The following NACC1 variants were observed in gnomAD, a reference collection of about 807,000 sequenced individuals.
NACC1 encodes the protein nucleus accumbens-associated protein 1.
NACC1 carries 6 observed loss-of-function variants against 41.7 expected under a neutral mutation model. That is an observed-to-expected ratio of 0.14 (90% CI 0.08 to 0.28). NACC1 has a LOEUF of 0.28. Among genes scored for constraint, NACC1 ranks in the 10% least tolerant of loss-of-function variants. The probability of loss-of-function intolerance (pLI) is 1.00; values close to 1 mark genes in which losing one functional copy is unlikely to be tolerated. For synonymous variants in NACC1, 338 were observed against 330.6 expected, an observed-to-expected ratio of 1.02 and a Z score of -0.24; for missense variants, 434 against 763.7, an observed-to-expected ratio of 0.57 and a Z score of 5.09.
In NACC1 at chr19:13,138,138, G is replaced by GC; in HGVS notation, c.1325-5dup. 1.2e-6 allele frequency: 2 copies of GC among 1,611,954 alleles called. No homozygotes were observed. The highest frequency in any genetic ancestry group is 2.2e-5 in the South Asian group (2 of 91,038). On this transcript the variant is annotated splice_polypyrimidine_tract_variant and intron_variant, in intron 5 of 5. Coordinates refer to ENST00000292431, the MANE Select transcript of NACC1 (RefSeq NM_052876.4). The surrounding 1 kb of genome is among the most constrained non-coding windows in gnomAD (Gnocchi z 5.7). ...CCCGTGCCAAGGCCGCACCCACCCT[G>GC]CCCCACAGACTACTGCCAGAACTTC...
In NACC1 at chr19:13,137,066, C is replaced by A. The variant is rs1568386279; in HGVS notation, c.1121-205C>A. ...AACCCTTTCTGTCCTTTCCTGAGCA[C>A]TGATGAGGTTGGGGGAGCCCCAAGG... On this transcript the variant is annotated intron_variant, in intron 3 of 5. Transcript: ENST00000292431. This position sits in a 1 kb window ranked among gnomAD's most constrained non-coding sequence, Gnocchi z 6.1. Among the ~76,000 whole-genome samples the A allele has an allele frequency of 6.6e-6, 1 of 152,192 alleles. No individual in the cohort carries two copies. The highest frequency in any genetic ancestry group is 6.5e-5 in the Admixed American group (1 of 15,288).
chr19:13,138,395 G>A lies in NACC1; in HGVS notation c.1573G>A (p.Ala525Thr), dbSNP rs2019736997. The A allele has an allele frequency of 6.2e-7, 1 of 1,610,942 alleles. No homozygotes were observed. ...HEGEAGPSAE[A>T]LQ Reference sequence around the variant, plus strand: ...GGGCGAGGCGGGTCCCTCGGCTGAAGCCCTGCAGTAACCCGCCCAGCCTCC... The same window carrying A: ...GGGCGAGGCGGGTCCCTCGGCTGAAACCCTGCAGTAACCCGCCCAGCCTCC... Residue 525 changes from alanine to threonine, a missense_variant, in exon 6 of 6, where the codon GCC (alanine) becomes ACC (threonine). Physicochemically the swap from Ala to Thr is moderately conservative, Grantham distance 58. Around this residue, in one of 4 missense-constraint regions of NACC1, gnomAD observed 63 missense variants for 68.4 expected, o/e 0.92. Transcript: ENST00000292431. This position sits in a 1 kb window ranked among gnomAD's most constrained non-coding sequence, Gnocchi z 5.7.
At position 13,118,357 on chromosome 19, in the gene NACC1, G is replaced by A. The variant is rs1218242130; in HGVS notation, c.-106G>A. The A allele has an allele frequency of 1.4e-5, 2 of 146,686 alleles. No individual in the cohort carries two copies. Among genetic ancestry groups the A allele is most frequent in the Non-Finnish European group, 3.0e-5 (2 of 65,952 alleles). The allele number at this position is 146,686 out of a possible 1,614,324, so 9.1% of individuals were successfully genotyped here. A position where few individuals can be genotyped will look rare whatever the true frequency, so the allele number is the denominator to read the frequency against. On this transcript the variant is annotated 5_prime_UTR_variant, in exon 1 of 6. Transcript: ENST00000292431. ...CGCGGAGGCCGCGGAGGCGGAGGCC[G>A]AGGCCCCGGCGCAGCGGGGCGCGCC...
chr19:13,139,884 A>ACATCCT lies in NACC1; in HGVS notation c.*1479_*1484dup, dbSNP rs1294777273. The ACATCCT allele has an allele frequency of 2.0e-5, 3 of 151,852 alleles. No individual in the cohort carries two copies. Among genetic ancestry groups the ACATCCT allele is most frequent in the African/African-American group, 7.3e-5 (3 of 41,194 alleles). 9.4% of individuals were successfully genotyped at this position (151,852 alleles called of 1,614,324 possible). The stretch of plus-strand genomic sequence containing the variant: ...GGGTGTCATTTCACCATCCACATCC[A>ACATCCT]CATCCTTGTTTGTGTTTCTGGCCCT... On this transcript the variant is annotated 3_prime_UTR_variant, in exon 6 of 6. Coordinates refer to ENST00000292431, the MANE Select transcript of NACC1 (RefSeq NM_052876.4).
At chr19:13,127,177 G>C (rs1422218725) in intron 1 of NACC1, among the ~76,000 whole-genome samples, 1 of 151,512 alleles carries the variant, frequency 6.6e-6, no homozygotes, top group Non-Finnish European at 1.5e-5. Context: ...CAAGCAGGGA[G>C]AATCAAGCCA....
At chr19:13,127,091 T>C (rs1422406119) in intron 1 of NACC1, among the ~76,000 whole-genome samples, 2 of 151,392 alleles carry the variant, frequency 1.3e-5, no homozygotes, top group African/African-American at 4.9e-5. Context: ...AATGCACAAA[T>C]AAATAATTTT....
rs1312476383 is a variant in NACC1 at position 13,137,756 on chromosome 19, A to C, written c.1324+181A>C. ...AGATTTCTTCGTGTTTGGGGGATGC[A>C]CGTGCCGAAGGGAAGCCAGGGAGCC... is the stretch of plus-strand genomic sequence containing the variant. On this transcript the variant is annotated intron_variant, in intron 5 of 5. Transcript: ENST00000292431. This position sits in a 1 kb window ranked among gnomAD's most constrained non-coding sequence, Gnocchi z 6.1. Among the ~76,000 whole-genome samples, 1 of 152,142 alleles carries C rather than the reference A, an allele frequency of 6.6e-6. No individual in the cohort carries two copies. The highest frequency in any genetic ancestry group is 1.5e-5 in the Non-Finnish European group (1 of 68,024).
At position 13,135,145 on chromosome 19, in the gene NACC1, G is replaced by A. The variant is rs145759623; in HGVS notation, c.-8-55G>A. 4,278 of 1,473,852 alleles carry A rather than the reference G, an allele frequency of 2.9e-3. 3 individuals carry two copies. Among genetic ancestry groups the A allele is most frequent in the Non-Finnish European group, 3.5e-3 (3,906 of 1,112,234 alleles). The allele number at this position is 1,473,852 out of a possible 1,614,324, so 91.3% of individuals were successfully genotyped here. A position where few individuals can be genotyped will look rare whatever the true frequency, so the allele number is the denominator to read the frequency against. ...GGCTAGGCCAGCACCCACATTTGCCGCCTGACCCCGTCCCTCCGTCTCTGT... is the reference window on the plus strand; with the variant it reads ...GGCTAGGCCAGCACCCACATTTGCCACCTGACCCCGTCCCTCCGTCTCTGT... On this transcript the variant is annotated intron_variant, in intron 1 of 5. Transcript: ENST00000292431.
chr19:13,137,461 A>G lies in NACC1; in HGVS notation c.1227-17A>G, dbSNP rs372461691. 16 of 1,608,812 alleles carry G rather than the reference A, an allele frequency of 9.9e-6. No homozygotes were observed. The African/African-American group carries it at 1.9e-4, about 19-fold the overall frequency. On this transcript the variant is annotated splice_polypyrimidine_tract_variant and intron_variant, in intron 4 of 5. Coordinates refer to ENST00000292431, the MANE Select transcript of NACC1 (RefSeq NM_052876.4). The surrounding 1 kb of genome is among the most constrained non-coding windows in gnomAD (Gnocchi z 6.1). ...ACCAACTTGAGCGCTGACTCCCTCC[A>G]TGTCCCCTGCCCCCAGGAACACGCT...
At chr19:13,130,971 C>T (rs533712638) in intron 1 of NACC1, among the ~76,000 whole-genome samples, 6 of 152,306 alleles carry the variant, frequency 3.9e-5, no homozygotes, top group African/African-American at 1.4e-4. Flanking sequence ...CCTTCAGCTA[C>T]ACCAGCTTTC....
intron 1 of NACC1, among the ~76,000 whole-genome samples, chr19:13,118,723 C>A (rs1368095039): frequency 3.4e-5 from 5 of 147,936 alleles, no homozygotes; most frequent in African/African-American, 1.3e-4. Flanking sequence ...CGGGCCGGGG[C>A]AGGTACCGGG....
At chr19:13,126,650 C>G (rs992161922) in intron 1 of NACC1, among the ~76,000 whole-genome samples, 1 of 152,108 alleles carries the variant, frequency 6.6e-6, no homozygotes, top group African/African-American at 2.4e-5. Context: ...ACACTGCGGT[C>G]TCAATAGGCC....
At chr19:13,120,614 G>C (rs2019477725) in intron 1 of NACC1, among the ~76,000 whole-genome samples, 1 of 152,238 alleles carries the variant, frequency 6.6e-6, no homozygotes, top group Admixed American at 6.5e-5. Context: ...TGGGCCAGCA[G>C]TCCCGCAAAG....
intron 1 of NACC1, among the ~76,000 whole-genome samples, chr19:13,121,046 T>C (rs895971359): frequency 1.3e-5 from 2 of 152,118 alleles, no homozygotes; most frequent in African/African-American, 4.8e-5. Flanking sequence ...AAGCAAAGGA[T>C]CAAGATAATT....
rs8112067 is a variant in NACC1 at position 13,138,430 on chromosome 19, A to G, written c.*24A>G. 0.69 allele frequency: 1,105,022 copies of G among 1,600,430 alleles called. 384,719 individuals carry two copies. Among genetic ancestry groups the G allele is most frequent in the East Asian group, 0.87 (38,959 of 44,696 alleles). On this transcript the variant is annotated 3_prime_UTR_variant, in exon 6 of 6. Transcript: ENST00000292431. The surrounding 1 kb of genome is among the most constrained non-coding windows in gnomAD (Gnocchi z 5.7). Reference sequence around the variant, plus strand: ...AACCCGCCCAGCCTCCCGCGGGGCCACACACTTCCCCTCCCAACACACACA... The same window carrying G: ...AACCCGCCCAGCCTCCCGCGGGGCCGCACACTTCCCCTCCCAACACACACA...
chr19:13,123,480 C>T (rs890955454), intron 1 of NACC1, among the ~76,000 whole-genome samples: 3 of 152,158 alleles, frequency 2.0e-5, no homozygotes, highest in African/African-American at 4.8e-5. Context: ...GCGGAGACTG[C>T]TCATTCCCGG....
At position 13,140,949 on chromosome 19, in the gene NACC1, C is replaced by T. The variant is rs930667003; in HGVS notation, c.*2543C>T. On this transcript the variant is annotated 3_prime_UTR_variant, in exon 6 of 6. Transcript: ENST00000292431. The surrounding 1 kb of genome is among the most constrained non-coding windows in gnomAD (Gnocchi z 4.0). ...CCGCCCACTCAACCCACACCTCTTT[C>T]ACGCAGGACAGGCTGCCCACCCTGT... 1 of 152,552 alleles carries T rather than the reference C, an allele frequency of 6.6e-6. No individual in the cohort carries two copies. Among genetic ancestry groups the T allele is most frequent in the African/African-American group, 2.4e-5 (1 of 41,414 alleles). The allele number at this position is 152,552 out of a possible 1,614,324, so 9.4% of individuals were successfully genotyped here. A position where few individuals can be genotyped will look rare whatever the true frequency, so the allele number is the denominator to read the frequency against.
rs1448495803 is a variant in NACC1 at position 13,122,526 on chromosome 19, G to GC, written c.-9+4072_-9+4073insC. ...GGACATTTTTGGTTGCCCCTGCCGG[G>GC]GGGGGGGGGGTGTGCTGCTGGCATC... is the stretch of plus-strand genomic sequence containing the variant. On this transcript the variant is annotated intron_variant, in intron 1 of 5. Coordinates refer to ENST00000292431, the MANE Select transcript of NACC1 (RefSeq NM_052876.4). Among the ~76,000 whole-genome samples, 9 of 112,422 alleles carry GC rather than the reference G, an allele frequency of 8.0e-5. No homozygotes were observed. In the South Asian group the frequency reaches 1.8e-3, roughly 23 times the overall value. 73.8% of individuals were successfully genotyped at this position (112,422 alleles called of 152,430 possible).
chr19:13,137,714 C>T lies in NACC1; in HGVS notation c.1324+139C>T, dbSNP rs1472464850. The T allele has an allele frequency of 1.1e-5, 8 of 734,940 alleles. No individual in the cohort carries two copies. Among genetic ancestry groups the T allele is most frequent in the East Asian group, 5.4e-5 (2 of 36,798 alleles). The allele number at this position is 734,940 out of a possible 1,614,324, so 45.5% of individuals were successfully genotyped here. A position where few individuals can be genotyped will look rare whatever the true frequency, so the allele number is the denominator to read the frequency against. ...GCTCATTCTAGCCTTGCTGGGAAACCGGCTGTGATTGCTTAGAGATTTCTT... is the reference window on the plus strand; with the variant it reads ...GCTCATTCTAGCCTTGCTGGGAAACTGGCTGTGATTGCTTAGAGATTTCTT... On this transcript the variant is annotated intron_variant, in intron 5 of 5. Coordinates refer to ENST00000292431, the MANE Select transcript of NACC1 (RefSeq NM_052876.4). This position sits in a 1 kb window ranked among gnomAD's most constrained non-coding sequence, Gnocchi z 6.1.
Sources: gnomAD v4.1 joint callset for allele counts (sites outside exome capture counted in the v4.1 genomes callset) on GRCh38, gnomAD v4.1.1 for gene constraint, gnomAD v4.1.1 regional missense constraint, Gnocchi (gnomAD v3.1) non-coding constraint, MANE v1.5 for transcripts, NCBI Gene and HGNC (gene_info 2026-07-23, HGNC 2026-07-21) for gene names.